Variants in CACNB2 observed in about 807,000 individuals in gnomAD.
CACNB2 encodes the protein voltage-dependent L-type calcium channel subunit beta-2.
Under a neutral mutation model 73.3 loss-of-function variants are expected in CACNB2, and 42 were observed. The ratio of observed to expected loss-of-function variants is 0.57; its 90% CI spans 0.45 to 0.74. The LOEUF is 0.74. CACNB2 is among the 30% of genes least tolerant of loss of function. The probability of loss-of-function intolerance (pLI) is 0.00; values close to 1 mark genes in which losing one functional copy is unlikely to be tolerated. For synonymous variants in CACNB2, 348 were observed against 310.3 expected (o/e 1.12, Z -1.28); for missense variants, 940 against 853.0 (o/e 1.10, Z -1.27).
chr10:18,386,708 T>C (rs951350382), intron 2 of CACNB2, among the ~76,000 whole-genome samples: 1 of 152,104 alleles, frequency 6.6e-6, no homozygotes, highest in Non-Finnish European at 1.5e-5. Flanking sequence ...GCCCTGCCTT[T>C]ATTTATGATT....
chr10:18,330,982 C>G (rs1035257095), intron 2 of CACNB2, among the ~76,000 whole-genome samples: 11 of 138,452 alleles, frequency 7.9e-5, no homozygotes, highest in South Asian at 4.8e-4. Flanking sequence ...ATCTTCTGCA[C>G]CATGCCCGGC....
At chr10:18,279,329 C>G (rs2038439392) in intron 2 of CACNB2, among the ~76,000 whole-genome samples, 1 of 152,180 alleles carries the variant, frequency 6.6e-6, no homozygotes, top group Non-Finnish European at 1.5e-5. Flanking sequence ...CTTTGTAACT[C>G]TTACGAATAA....
intron 2 of CACNB2, among the ~76,000 whole-genome samples, chr10:18,300,270 C>A (rs1233862547): frequency 6.6e-6 from 1 of 152,062 alleles, no homozygotes; most frequent in African/African-American, 2.4e-5. Context: ...GATCTGCCCA[C>A]CTCGGCCTCC....
At chr10:18,509,420 A>G (rs112692462) in intron 6 of CACNB2, among the ~76,000 whole-genome samples, 3,244 of 152,274 alleles carry the variant, frequency 0.021, 49 homozygotes, top group Middle Eastern at 0.034. Flanking sequence ...GAATACATAC[A>G]TCGCACCCAC....
intron 2 of CACNB2, among the ~76,000 whole-genome samples, chr10:18,171,178 C>T (rs929246681): frequency 2.4e-4 from 37 of 151,694 alleles, no homozygotes; most frequent in African/African-American, 9.0e-4. Flanking sequence ...ACATTCAGTC[C>T]TGTCTTCTGC....
At chr10:18,159,293 A>AT (rs1007833671) in intron 2 of CACNB2, among the ~76,000 whole-genome samples, 2 of 152,012 alleles carry the variant, frequency 1.3e-5, no homozygotes, top group Admixed American at 6.6e-5. Flanking sequence ...GTTTACACTG[A>AT]TTTTTTTCCA....
At chr10:18,273,240 GA>G (rs1341424039) in intron 2 of CACNB2, among the ~76,000 whole-genome samples, 1 of 152,050 alleles carries the variant, frequency 6.6e-6, no homozygotes, top group East Asian at 1.9e-4. Flanking sequence ...GGATCAGAGT[GA>G]CCTGGCTTGA....
intron 3 of CACNB2, among the ~76,000 whole-genome samples, chr10:18,470,173 T>C (rs1007750434): frequency 6.6e-6 from 1 of 151,658 alleles, no homozygotes; most frequent in East Asian, 1.9e-4. Flanking sequence ...ATAAAAAAAT[T>C]TAAAATCCAC....
chr10:18,497,440 G>T (rs909229195), intron 3 of CACNB2, among the ~76,000 whole-genome samples: 14 of 151,518 alleles, frequency 9.2e-5, no homozygotes, highest in African/African-American at 3.4e-4. Context: ...TTTTTTTTGA[G>T]ACAGGGACTG....
At chr10:18,312,112 C>T (rs1181674660) in intron 2 of CACNB2, among the ~76,000 whole-genome samples, 1 of 151,822 alleles carries the variant, frequency 6.6e-6, no homozygotes, top group Non-Finnish European at 1.5e-5. Context: ...CAGAAATTTC[C>T]CAAGTAGGTA....
At chr10:18,461,998 A>C (rs2047606124) in intron 3 of CACNB2, among the ~76,000 whole-genome samples, 2 of 152,068 alleles carry the variant, frequency 1.3e-5, no homozygotes, top group Non-Finnish European at 2.9e-5. Flanking sequence ...TATTTTAGGA[A>C]GAGATACCTC....
intron 2 of CACNB2, among the ~76,000 whole-genome samples, chr10:18,368,759 T>C (rs969439909): frequency 6.6e-6 from 1 of 152,180 alleles, no homozygotes; most frequent in Non-Finnish European, 1.5e-5. Context: ...TTATATATGA[T>C]TATGCACAAA....
chr10:18,526,856 CAG>C (rs2052518908), intron 9 of CACNB2, among the ~76,000 whole-genome samples: 1 of 152,156 alleles, frequency 6.6e-6, no homozygotes, highest in Admixed American at 6.5e-5. Flanking sequence ...AACTATGGCA[CAG>C]AGACTAGGAA....
intron 2 of CACNB2, among the ~76,000 whole-genome samples, chr10:18,241,923 A>G (rs2036666445): frequency 6.6e-6 from 1 of 152,118 alleles, no homozygotes; most frequent in African/African-American, 2.4e-5. Context: ...CATCTTGGTT[A>G]TATTCAAGTC....
chr10:18,385,836 A>T (rs79586955), intron 2 of CACNB2, among the ~76,000 whole-genome samples: 12,802 of 152,172 alleles, frequency 0.084, 645 homozygotes, highest in Non-Finnish European at 0.11. Flanking sequence ...TGTCCAAATG[A>T]TATGCCATCA....
chr10:18,498,757 A>G (rs2133014133), intron 4 of CACNB2: 1 of 392,090 alleles, frequency 2.6e-6, no homozygotes, highest in Non-Finnish European at 4.7e-6. Context: ...TTTTATGCTT[A>G]ACCTATACTT....
intron 3 of CACNB2, among the ~76,000 whole-genome samples, chr10:18,455,039 T>TAAAAA (rs56167015): frequency 4.4e-5 from 6 of 137,820 alleles, no homozygotes; most frequent in Non-Finnish European, 3.1e-5. Context: ...CCCAATCTCT[T>TAAAAA]AAAAAAAAAA....
intron 3 of CACNB2, among the ~76,000 whole-genome samples, chr10:18,488,355 G>T (rs1475280258): frequency 1.3e-5 from 2 of 150,194 alleles, no homozygotes; most frequent in East Asian, 2.0e-4. Flanking sequence ...GGTGCCTGTA[G>T]TCCCAGCTAC....
At chr10:18,474,650 A>G (rs2132782665) in intron 3 of CACNB2, among the ~76,000 whole-genome samples, 1 of 152,250 alleles carries the variant, frequency 6.6e-6, no homozygotes, top group Admixed American at 6.5e-5. Context: ...CTTGAGAAAG[A>G]TGCAACTCAA....
Sources: gnomAD v4.1 joint callset for allele counts (sites outside exome capture counted in the v4.1 genomes callset) on GRCh38, gnomAD v4.1.1 for gene constraint, MANE v1.5 for transcripts, NCBI Gene and HGNC (gene_info 2026-07-23, HGNC 2026-07-21) for gene names.